CUL3: variants seen among roughly 807,000 people sequenced by gnomAD.
The protein encoded by CUL3 is cullin-3.
CUL3 carries 19 observed loss-of-function variants against 89.1 expected under a neutral mutation model. The observed-to-expected ratio is 0.21, with a 90% CI of 0.15 to 0.31. The LOEUF (loss-of-function observed/expected upper bound fraction) is 0.31. CUL3 is among the 10% of genes least tolerant of loss of function. The pLI, the probability that CUL3 is intolerant of heterozygous loss-of-function variation, is 1.00. For synonymous variants in CUL3, 351 were observed against 308.4 expected (o/e 1.14, Z -1.45); for missense variants, 469 against 942.3 (o/e 0.50, Z 6.58).
Position 224,531,872 on chromosome 2 carries a change from T to C in CUL3, c.378+3656A>G, listed in dbSNP as rs368080943. Among the ~76,000 whole-genome samples the C allele has an allele frequency of 5.3e-5, 8 of 151,976 alleles. No homozygotes were observed. The East Asian group carries it at 9.7e-4, about 18-fold the overall frequency. Reference sequence around the variant, plus strand: ...TTTAAAATAGTAATCCTGGGAGCAATATGGAAAACAGAGAAGAGCCCAGTG... The same window carrying C: ...TTTAAAATAGTAATCCTGGGAGCAACATGGAAAACAGAGAAGAGCCCAGTG... On this transcript the variant is annotated intron_variant, in intron 3 of 15. Coordinates refer to ENST00000264414, the MANE Select transcript of CUL3 (RefSeq NM_003590.5).
intron 1 of CUL3, among the ~76,000 whole-genome samples, chr2:224,577,594 G>C (rs1238933039): frequency 1.3e-5 from 2 of 149,682 alleles, no homozygotes; most frequent in African/African-American, 4.9e-5. Flanking sequence ...AGGTGATGCA[G>C]CTAGAAAGAC....
At chr2:224,570,121 C>T (rs779862504) in intron 1 of CUL3, among the ~76,000 whole-genome samples, 10 of 151,822 alleles carry the variant, frequency 6.6e-5, no homozygotes, top group Non-Finnish European at 1.2e-4. Context: ...CCTTACAATG[C>T]GTGGCACAAT....
intron 2 of CUL3, among the ~76,000 whole-genome samples, chr2:224,550,364 G>A (rs1694469496): frequency 6.6e-6 from 1 of 152,196 alleles, no homozygotes; most frequent in African/African-American, 2.4e-5. Flanking sequence ...GAGATAAGCT[G>A]TGGAATTTTC....
intron 6 of CUL3, among the ~76,000 whole-genome samples, chr2:224,509,475 C>T (rs147226187): frequency 3.6e-4 from 55 of 152,302 alleles, no homozygotes; most frequent in Non-Finnish European, 6.6e-4. Context: ...CTTCAGCCTC[C>T]CAAAAATACT....
chr2:224,508,596 G>C (rs1413378471), intron 6 of CUL3, among the ~76,000 whole-genome samples: 3 of 152,150 alleles, frequency 2.0e-5, no homozygotes, highest in Non-Finnish European at 2.9e-5. Flanking sequence ...TAAAGGGAAT[G>C]TAAAAGTAAA....
At chr2:224,502,606 G>A (rs973331014) in intron 10 of CUL3, among the ~76,000 whole-genome samples, 2 of 152,110 alleles carry the variant, frequency 1.3e-5, no homozygotes, top group African/African-American at 4.8e-5. Flanking sequence ...CACAATCTTG[G>A]GGTAAAGTGA....
intron 13 of CUL3, among the ~76,000 whole-genome samples, chr2:224,483,059 A>C (rs1012752660): frequency 6.6e-6 from 1 of 152,178 alleles, no homozygotes; most frequent in Admixed American, 6.5e-5. Context: ...GATTCAGAGA[A>C]ATGTGATTTT....
In CUL3 at chr2:224,505,940, A is replaced by G; in HGVS notation, c.1206+16T>C. On this transcript the variant is annotated intron_variant, in intron 8 of 15. Coordinates refer to ENST00000264414, the MANE Select transcript of CUL3 (RefSeq NM_003590.5). ...AAATAAAATTAAATGTTATTTTCAAATGCATTACTACTTACCCCTTTGACT... is the reference window on the plus strand; with the variant it reads ...AAATAAAATTAAATGTTATTTTCAAGTGCATTACTACTTACCCCTTTGACT... 6.9e-7 allele frequency: 1 copy of G among 1,442,020 alleles called. No homozygotes were observed. The highest frequency in any genetic ancestry group is 9.3e-7 in the Non-Finnish European group (1 of 1,070,470). The allele number at this position is 1,442,020 out of a possible 1,614,324, so 89.3% of individuals were successfully genotyped here.
chr2:224,535,507 C>T (rs1157605158), intron 3 of CUL3, 21 bp downstream of exon 3: 3 of 1,483,850 alleles, frequency 2.0e-6, no homozygotes, highest in African/African-American at 1.4e-5. Flanking sequence ...AGGAAGAAAA[C>T]ATTTAAAAAG....
chr2:224,516,059 C>A (rs1693029070), intron 3 of CUL3, among the ~76,000 whole-genome samples: 2 of 152,148 alleles, frequency 1.3e-5, no homozygotes, highest in African/African-American at 4.8e-5. Context: ...CCAACCTTCT[C>A]CTTTCATTCA....
At chr2:224,482,669 C>T (rs983466601) in intron 13 of CUL3, among the ~76,000 whole-genome samples, 7 of 151,782 alleles carry the variant, frequency 4.6e-5, no homozygotes, top group African/African-American at 9.7e-5. Flanking sequence ...ATCTTTACTG[C>T]GTATTATGAA....
intron 3 of CUL3, among the ~76,000 whole-genome samples, chr2:224,530,479 T>A (rs1426304302): frequency 6.6e-6 from 1 of 152,258 alleles, no homozygotes; most frequent in Non-Finnish European, 1.5e-5. Context: ...AGAAAAACTT[T>A]TTTGATTTCT....
intron 2 of CUL3, among the ~76,000 whole-genome samples, chr2:224,544,899 C>T (rs905723325): frequency 2.0e-5 from 3 of 151,948 alleles, no homozygotes; most frequent in African/African-American, 7.3e-5. Flanking sequence ...CAATGTTCTG[C>T]TATTTTTACA....
chr2:224,478,730 T>G (rs3768895), intron 14 of CUL3: 30,719 of 168,428 alleles, frequency 0.18, 3,215 homozygotes, highest in East Asian at 0.27. Flanking sequence ...CTCACCAAAA[T>G]TATCTCAGAT....
intron 2 of CUL3, among the ~76,000 whole-genome samples, chr2:224,542,497 GTGTGTGTGTGTGTGTGTA>G (rs1181311822): frequency 7.1e-5 from 6 of 84,684 alleles, no homozygotes; most frequent in Non-Finnish European, 1.4e-4. Flanking sequence ...CTGGCTTTTT[GTGTGTGTGTGTGTGTGTA>G]TGTGTGTGTG....
chr2:224,530,234 G>T (rs756108208), intron 3 of CUL3, among the ~76,000 whole-genome samples: 1 of 151,894 alleles, frequency 6.6e-6, no homozygotes, highest in African/African-American at 2.4e-5. Flanking sequence ...GTGAGACTCC[G>T]TCTCAAAAAA....
rs1355072081 is a variant in CUL3, at chr2:224,474,200, T to C, written c.*45A>G. 1 of 1,574,212 alleles carries C rather than the reference T, an allele frequency of 6.4e-7. No homozygotes were observed. Among genetic ancestry groups the C allele is most frequent in the Admixed American group, 1.9e-5 (1 of 53,014 alleles). Reference sequence around the variant, plus strand: ...TGATTTAAAAGAACTTCCCAGTCCATGCGAAGAGTACAGTCCAAGAATAAA... The same window carrying C: ...TGATTTAAAAGAACTTCCCAGTCCACGCGAAGAGTACAGTCCAAGAATAAA... On this transcript the variant is annotated 3_prime_UTR_variant, in exon 16 of 16. Transcript: ENST00000264414.
intron 1 of CUL3, among the ~76,000 whole-genome samples, chr2:224,567,153 T>C (rs1020045819): frequency 6.6e-6 from 1 of 152,172 alleles, no homozygotes; most frequent in Admixed American, 6.5e-5. Flanking sequence ...AAAAGAAAAC[T>C]TTTTACTACA....
intron 8 of CUL3, chr2:224,504,067 A>G (rs1468810261): frequency 3.9e-5 from 13 of 335,896 alleles, no homozygotes; most frequent in Non-Finnish European, 6.5e-5. Flanking sequence ...GAGGGCTACC[A>G]CTGAATTGGA....
Sources: gnomAD v4.1 joint callset for allele counts (sites outside exome capture counted in the v4.1 genomes callset) on GRCh38, gnomAD v4.1.1 for gene constraint, MANE v1.5 for transcripts, NCBI Gene and HGNC (gene_info 2026-07-23, HGNC 2026-07-21) for gene names.